GRID2: variants seen among roughly 807,000 people sequenced by gnomAD.
The protein encoded by GRID2 is glutamate receptor ionotropic, delta-2.
A neutral mutation model predicts 114.8 loss-of-function variants in GRID2; 33 were observed. That is an observed-to-expected ratio of 0.29 (90% CI 0.22 to 0.38). The LOEUF (loss-of-function observed/expected upper bound fraction) is 0.38, where lower values mean the gene tolerates loss of function less well. Ranked by LOEUF, GRID2 falls within the 10% of genes least tolerant of loss-of-function variation. The probability of loss-of-function intolerance (pLI) is 1.00; values close to 1 mark genes in which losing one functional copy is unlikely to be tolerated. For synonymous variants in GRID2, 505 were observed against 449.9 expected, an observed-to-expected ratio of 1.12 and a Z score of -1.55; for missense variants, 1,184 against 1,257.7, an observed-to-expected ratio of 0.94 and a Z score of 0.89.
chr4:92,455,309 G>A (rs1031771086), intron 1 of GRID2, among the ~76,000 whole-genome samples: 51 of 152,078 alleles, frequency 3.4e-4, no homozygotes, highest in African/African-American at 1.1e-3. Context: ...AGACATTTCC[G>A]TGTTCTTGTG....
intron 2 of GRID2, among the ~76,000 whole-genome samples, chr4:93,040,125 G>T (rs1725358619): frequency 6.6e-6 from 1 of 151,956 alleles, no homozygotes; most frequent in South Asian, 2.1e-4. Context: ...TTAAAATTCA[G>T]GAAGATGTGT....
At chr4:92,453,758 CCT>C (rs1460272676) in intron 1 of GRID2, among the ~76,000 whole-genome samples, 2 of 152,162 alleles carry the variant, frequency 1.3e-5, no homozygotes, top group African/African-American at 4.8e-5. Flanking sequence ...TTTTAATTTT[CCT>C]CTCAAATATT....
chr4:93,693,155 A>G (rs1726712939), intron 14 of GRID2, among the ~76,000 whole-genome samples: 1 of 152,198 alleles, frequency 6.6e-6, no homozygotes, highest in Non-Finnish European at 1.5e-5. Flanking sequence ...AAGAAATTAT[A>G]AAAGTAAAGA....
At chr4:92,954,854 G>C (rs1752281323) in intron 2 of GRID2, among the ~76,000 whole-genome samples, 1 of 141,462 alleles carries the variant, frequency 7.1e-6, no homozygotes, top group Admixed American at 7.3e-5. Context: ...CTATGAGTGA[G>C]AATATGCGGT....
chr4:93,617,507 G>C (rs1741796801), intron 13 of GRID2, among the ~76,000 whole-genome samples: 1 of 152,146 alleles, frequency 6.6e-6, no homozygotes, highest in Non-Finnish European at 1.5e-5. Context: ...GCAGTAGTTT[G>C]TCTTGGTTAT....
At position 92,766,536 on chromosome 4, in the gene GRID2, C is replaced by CAA. The variant is rs34162997; in HGVS notation, c.244+176270_244+176271dup. 6.0e-3 allele frequency among the ~76,000 whole-genome samples: 520 copies of CAA among 86,884 alleles called. 10 individuals are homozygous for CAA. Among genetic ancestry groups the CAA allele is most frequent in the African/African-American group, 0.022 (487 of 22,394 alleles). The allele number at this position is 86,884 out of a possible 152,430, so 57.0% of individuals were successfully genotyped here. ...TGGGCGACAGAGCAAGACTCCTTCT[C>CAA]AAAAAAAAAAAAAAAAAAAAAGGAC... On this transcript the variant is annotated intron_variant, in intron 2 of 15. Coordinates refer to ENST00000282020, the MANE Select transcript of GRID2 (RefSeq NM_001510.4).
intron 8 of GRID2, among the ~76,000 whole-genome samples, chr4:93,352,882 T>C (rs1474437775): frequency 6.6e-6 from 1 of 152,010 alleles, no homozygotes; most frequent in Non-Finnish European, 1.5e-5. Context: ...CAGTCTTGCC[T>C]CCTTAAGACT....
chr4:93,239,267 T>C (rs1196538624), intron 8 of GRID2, among the ~76,000 whole-genome samples: 1 of 149,126 alleles, frequency 6.7e-6, no homozygotes, highest in Non-Finnish European at 1.5e-5. Flanking sequence ...CATATATATA[T>C]CATATAAATA....
chr4:93,730,140 G>C (rs1730348068), intron 14 of GRID2, among the ~76,000 whole-genome samples: 1 of 152,232 alleles, frequency 6.6e-6, no homozygotes, highest in African/African-American at 2.4e-5. Context: ...GTGCGAAAGA[G>C]AGATTAGGGA....
intron 4 of GRID2, among the ~76,000 whole-genome samples, chr4:93,161,717 T>A (rs933043113): frequency 6.6e-6 from 1 of 151,828 alleles, no homozygotes; most frequent in African/African-American, 2.4e-5. Context: ...ACTGAAACTA[T>A]CATCTCCAAT....
chr4:93,150,802 A>T (rs1453028561), intron 4 of GRID2, among the ~76,000 whole-genome samples: 1 of 151,954 alleles, frequency 6.6e-6, no homozygotes, highest in African/African-American at 2.4e-5. Flanking sequence ...GGCATGTAGA[A>T]ACTCTCAAAC....
chr4:93,490,772 CAT>C lies in GRID2; in HGVS notation c.1993_1994del (p.Ile665ProfsTer24). 1.2e-6 allele frequency: 2 copies of C among 1,605,606 alleles called. No homozygotes were observed. Among genetic ancestry groups the C allele is most frequent in the Non-Finnish European group, 1.7e-6 (2 of 1,174,264 alleles). On this transcript the variant is annotated frameshift_variant, in exon 12 of 16. Coordinates refer to ENST00000282020, the MANE Select transcript of GRID2 (RefSeq NM_001510.4). LOFTEE classifies it high-confidence loss of function. ...TCACTATTACACGCATTGAAAGTTC[CAT>C]CCAGTAAGTAAACAATGTTTCCATT... ...FLTITRIESSIQSLQDLSKQT... is the reference protein window; with the variant it reads ...FLTITRIESSXQSLQDLSKQT...
At chr4:92,709,585 AAAAAAT>A (rs1209357035) in intron 2 of GRID2, among the ~76,000 whole-genome samples, 10 of 124,366 alleles carry the variant, frequency 8.0e-5, no homozygotes, top group African/African-American at 2.2e-4. Flanking sequence ...AAAAAAAAAA[AAAAAAT>A]ATATATATAT....
chr4:92,892,724 A>T (rs1042502130), intron 2 of GRID2, among the ~76,000 whole-genome samples: 1 of 152,218 alleles, frequency 6.6e-6, no homozygotes, highest in Admixed American at 6.5e-5. Context: ...TAGAAAATCC[A>T]CTTGGGAACA....
intron 14 of GRID2, among the ~76,000 whole-genome samples, chr4:93,725,357 C>A (rs897649472): frequency 6.6e-6 from 1 of 152,194 alleles, no homozygotes; most frequent in Non-Finnish European, 1.5e-5. Flanking sequence ...TGTATATGTG[C>A]CACATTTTCT....
At chr4:93,081,209 A>G (rs920566204) in intron 2 of GRID2, among the ~76,000 whole-genome samples, 4 of 152,192 alleles carry the variant, frequency 2.6e-5, no homozygotes, top group African/African-American at 9.7e-5. Context: ...AAATATAAAT[A>G]AGTCAGAAAA....
chr4:92,612,566 T>C (rs1270005818), intron 2 of GRID2, among the ~76,000 whole-genome samples: 1 of 151,434 alleles, frequency 6.6e-6, no homozygotes, highest in Non-Finnish European at 1.5e-5. Flanking sequence ...CAATATTGAG[T>C]ATTTCAATTT....
chr4:93,718,787 A>C (rs537535499), intron 14 of GRID2, among the ~76,000 whole-genome samples: 36 of 152,296 alleles, frequency 2.4e-4, no homozygotes, highest in Admixed American at 6.5e-4. Flanking sequence ...AAGACATTTG[A>C]GTTCCGCTGA....
intron 2 of GRID2, among the ~76,000 whole-genome samples, chr4:92,983,633 C>T (rs895666745): frequency 7.9e-5 from 12 of 151,856 alleles, no homozygotes; most frequent in African/African-American, 2.9e-4. Flanking sequence ...AGGAATAATT[C>T]ATTATTATAA....
Sources: allele counts gnomAD v4.1 joint callset (sites outside exome capture counted in the v4.1 genomes callset), GRCh38; gene constraint gnomAD v4.1.1; transcripts MANE v1.5; gene names NCBI Gene and HGNC (gene_info 2026-07-23, HGNC 2026-07-21).